PRC1: variants seen among roughly 807,000 people sequenced by gnomAD.
The protein encoded by PRC1 is anaphase spindle elongation 1 homolog.
A neutral mutation model predicts 91.2 loss-of-function variants in PRC1; 54 were observed. The observed-to-expected ratio is 0.59, with a 90% CI of 0.48 to 0.74. The LOEUF (loss-of-function observed/expected upper bound fraction) is 0.74, where lower values mean the gene tolerates loss of function less well. PRC1 is among the 30% of genes least tolerant of loss of function. The pLI is 0.00. For synonymous variants in PRC1, 275 were observed against 263.6 expected (o/e 1.04, Z -0.42); for missense variants, 727 against 746.2 (o/e 0.97, Z 0.30).
Position 90,966,509 on chromosome 15 carries a change from C to T in PRC1, c.*622G>A, listed in dbSNP as rs953780108. ...GCATGTGTGTTCATACATGCATACC[C>T]CCAACAAAGGGCAATGCACTGTGTA... is the stretch of plus-strand genomic sequence containing the variant. On this transcript the variant is annotated 3_prime_UTR_variant, in exon 15 of 15. Transcript: ENST00000394249. 2 of 451,922 alleles carry T rather than the reference C, an allele frequency of 4.4e-6. No individual in the cohort carries two copies. Among genetic ancestry groups the T allele is most frequent in the Admixed American group, 2.4e-5 (1 of 42,286 alleles). 28.0% of individuals were successfully genotyped at this position (451,922 alleles called of 1,614,324 possible).
rs111720562 is a variant in PRC1 at position 90,976,426 on chromosome 15, G to A, written c.1203+250C>T. On this transcript the variant is annotated intron_variant, in intron 9 of 14. Coordinates refer to ENST00000394249, the MANE Select transcript of PRC1 (RefSeq NM_003981.4). ...GAACTCCTGACCTCGCGATATGCCTGCCTAGGCCTCCCAAAGTGCTGGGAT... is the reference window on the plus strand; with the variant it reads ...GAACTCCTGACCTCGCGATATGCCTACCTAGGCCTCCCAAAGTGCTGGGAT... Among the ~76,000 whole-genome samples the A allele has an allele frequency of 9.1e-3, 1,354 of 149,268 alleles. 68 individuals are homozygous for A. The highest frequency in any genetic ancestry group is 0.033 in the African/African-American group (1,269 of 38,874).
intron 12 of PRC1, 22 bp downstream of exon 12, chr15:90,970,382 C>A (rs1232731989): frequency 6.5e-7 from 1 of 1,539,890 alleles, no homozygotes; most frequent in East Asian, 2.2e-5. Flanking sequence ...TGAGGATGTG[C>A]TTAGACACAG....
Position 90,981,879 on chromosome 15 carries a change from G to T in PRC1, c.370C>A (p.Leu124Ile). 1 of 1,614,230 alleles carries T rather than the reference G, an allele frequency of 6.2e-7. No individual in the cohort carries two copies. The highest frequency in any genetic ancestry group is 1.7e-5 in the Admixed American group (1 of 60,024). ...CACAGTTCTTGATCTTGCTCTTGAA[G>T]TAGCTTCAGTTCCTGTTTTCTCTCC... ...KKERKQELKL[L>I]QEQDQELCEI... The change falls in exon 4 of 15, where the codon CTT (leucine) becomes ATT (isoleucine). Residue 124 changes from leucine (L) to isoleucine (I), a missense_variant. Physicochemically the swap from Leu to Ile is conservative, Grantham distance 5 (BLOSUM62 2). Coordinates refer to ENST00000394249, the MANE Select transcript of PRC1 (RefSeq NM_003981.4).
At position 90,981,672 on chromosome 15, in the gene PRC1, T is replaced by G. The variant is rs2039206010; in HGVS notation, c.502-3A>C. The G allele has an allele frequency of 6.2e-7, 1 of 1,612,222 alleles. No homozygotes were observed. The highest frequency in any genetic ancestry group is 8.5e-7 in the Non-Finnish European group (1 of 1,178,522). On this transcript the variant is annotated splice_polypyrimidine_tract_variant and splice_region_variant and intron_variant, in intron 4 of 14. Transcript: ENST00000394249. Reference sequence around the variant, plus strand: ...ACAAACTCCTCACGCCTAGAAGCCTTTAAAACAAAGCAATTACAAGATACC... The same window carrying G: ...ACAAACTCCTCACGCCTAGAAGCCTGTAAAACAAAGCAATTACAAGATACC...
rs1880482708 is a variant in PRC1, at chr15:90,974,904, C to T, written c.1204-173G>A. ...GTGACCAGAAATCAAAGCCCGGAGA[C>T]ATTTCATTCACACAACACACAAGAG... On this transcript the variant is annotated intron_variant, in intron 9 of 14. Transcript: ENST00000394249. The surrounding 1 kb of genome is among the most constrained non-coding windows in gnomAD (Gnocchi z 4.6). 6.6e-6 allele frequency among the ~76,000 whole-genome samples: 1 copy of T among 152,204 alleles called. No homozygotes were observed. Among genetic ancestry groups the T allele is most frequent in the African/African-American group, 2.4e-5 (1 of 41,436 alleles).
chr15:90,988,430 G>GCTTAACTACTCCC (rs1567205042), intron 1 of PRC1: 3 of 152,028 alleles, frequency 2.0e-5, no homozygotes, highest in Admixed American at 2.0e-4. Context: ...TCAGATCCCC[G>GCTTAACTACTCCC]CTTAACTACT....
Position 90,980,404 on chromosome 15 carries a change from C to A in PRC1, c.823-15G>T, listed in dbSNP as rs917611915. The A allele has an allele frequency of 6.2e-7, 1 of 1,610,162 alleles. No individual in the cohort carries two copies. Among genetic ancestry groups the A allele is most frequent in the African/African-American group, 1.3e-5 (1 of 74,654 alleles). On this transcript the variant is annotated splice_polypyrimidine_tract_variant and intron_variant, in intron 6 of 14. Coordinates refer to ENST00000394249, the MANE Select transcript of PRC1 (RefSeq NM_003981.4). Reference sequence around the variant, plus strand: ...TCTAATTGCAGCTGAAAGAAAGAAACTTGTTAAGGGTGGCTGCCATAGTTT... The same window carrying A: ...TCTAATTGCAGCTGAAAGAAAGAAAATTGTTAAGGGTGGCTGCCATAGTTT...
chr15:90,973,385 T>TG lies in PRC1; in HGVS notation c.1461+750dup, dbSNP rs1244301775. Among the ~76,000 whole-genome samples, 3 of 152,326 alleles carry TG rather than the reference T, an allele frequency of 2.0e-5. No individual in the cohort carries two copies. The East Asian group carries it at 5.8e-4, about 29-fold the overall frequency. ...CATTCTCGATTAACCAGGGGCACGA[T>TG]GCACTGCGGAAAGCCGCAGGGACCT... On this transcript the variant is annotated intron_variant, in intron 11 of 14. Transcript: ENST00000394249.
At position 90,974,333 on chromosome 15, in the gene PRC1, C is replaced by T. The variant is rs572939205; in HGVS notation, c.1351-87G>A. ...ACAGCAGCAGGGCCGGGAATCTAGG[C>T]CCGTGTCTCTACAGCCAGAGCTAAA... On this transcript the variant is annotated intron_variant, in intron 10 of 14. Coordinates refer to ENST00000394249, the MANE Select transcript of PRC1 (RefSeq NM_003981.4). This position sits in a 1 kb window ranked among gnomAD's most constrained non-coding sequence, Gnocchi z 4.6. 2.7e-4 allele frequency: 330 copies of T among 1,242,310 alleles called. 1 individual carries two copies. The African/African-American group carries it at 4.5e-3, about 17-fold the overall frequency. The allele number at this position is 1,242,310 out of a possible 1,614,324, so 77.0% of individuals were successfully genotyped here. A position where few individuals can be genotyped will look rare whatever the true frequency, so the allele number is the denominator to read the frequency against.
At position 90,966,407 on chromosome 15, in the gene PRC1, A is replaced by G. The variant is rs1187198534; in HGVS notation, c.*724T>C. On this transcript the variant is annotated 3_prime_UTR_variant, in exon 15 of 15. Transcript: ENST00000394249. ...ATGTGGCTGGCAACTGCGGGGGTAG[A>G]AGAACTCAGGCAAAGTAGGCACAGG... is the stretch of plus-strand genomic sequence containing the variant. 7 of 346,330 alleles carry G rather than the reference A, an allele frequency of 2.0e-5. No homozygotes were observed. The East Asian group carries it at 5.7e-4, about 28-fold the overall frequency. The allele number at this position is 346,330 out of a possible 1,614,324, so 21.5% of individuals were successfully genotyped here.
chr15:90,977,854 G>A (rs1052161122), intron 8 of PRC1, among the ~76,000 whole-genome samples: 1 of 152,062 alleles, frequency 6.6e-6, no homozygotes, highest in African/African-American at 2.4e-5. Context: ...CCAAAGTGCT[G>A]GGATTACAGG....
chr15:90,983,465 T>C (rs756487446), intron 3 of PRC1, among the ~76,000 whole-genome samples: 36 of 152,194 alleles, frequency 2.4e-4, no homozygotes, highest in Non-Finnish European at 4.6e-4. Flanking sequence ...TGGACCACAA[T>C]ATAGCCACTT....
At chr15:90,989,617 C>T (rs1234444585) in intron 1 of PRC1, among the ~76,000 whole-genome samples, 1 of 150,702 alleles carries the variant, frequency 6.6e-6, no homozygotes, top group Non-Finnish European at 1.5e-5. Flanking sequence ...AATGAAAACA[C>T]ATTTATACAA....
intron 1 of PRC1, among the ~76,000 whole-genome samples, chr15:90,989,412 ATT>A (rs58512103): frequency 0.027 from 3,172 of 118,410 alleles, 129 homozygotes; most frequent in African/African-American, 0.095. Context: ...TGCTTGGCTA[ATT>A]TTTTTTTTTT....
At chr15:90,981,175 AAC>A in intron 5 of PRC1, 142 bp from the exon 6 acceptor site, 1 of 1,114,734 alleles carries the variant, frequency 9.0e-7, no homozygotes, top group African/African-American at 1.6e-5. Context: ...ATGCCTCCTA[AAC>A]ACGAGCTGTA....
chr15:90,980,512 C>CTTTT (rs35250469), intron 6 of PRC1, 123 bp from the exon 7 acceptor site: 239 of 492,562 alleles, frequency 4.9e-4, no homozygotes, highest in African/African-American at 1.5e-3. Context: ...TAAATCAACA[C>CTTTT]TTTTTTTTTT....
chr15:90,979,918 T>C (rs2039046144), intron 7 of PRC1, among the ~76,000 whole-genome samples: 2 of 152,262 alleles, frequency 1.3e-5, no homozygotes, highest in Non-Finnish European at 2.9e-5. Context: ...CAGTGACATA[T>C]TGCTTCAGAA....
At chr15:90,993,211 C>CCTTT (rs2040083664) in intron 1 of PRC1, among the ~76,000 whole-genome samples, 1 of 123,064 alleles carries the variant, frequency 8.1e-6, no homozygotes, top group Non-Finnish European at 1.7e-5. Context: ...TGTTAATGGA[C>CCTTT]TTTTTTTTTT....
intron 1 of PRC1, among the ~76,000 whole-genome samples, chr15:90,989,175 C>T (rs1212931658): frequency 1.6e-4 from 24 of 152,094 alleles, no homozygotes; most frequent in Non-Finnish European, 2.4e-4. Flanking sequence ...TCTAGAGGAA[C>T]TAGAACCCTC....
Sources: allele counts gnomAD v4.1 joint callset (sites outside exome capture counted in the v4.1 genomes callset), GRCh38; gene constraint gnomAD v4.1.1; non-coding constraint Gnocchi (gnomAD v3.1); transcripts MANE v1.5; gene names NCBI Gene and HGNC (gene_info 2026-07-23, HGNC 2026-07-21).